CPNE5: variants seen among roughly 807,000 people sequenced by gnomAD.
The protein encoded by CPNE5 is copine 5, also known as copine-5.
CPNE5 carries 42 observed loss-of-function variants against 81.1 expected under a neutral mutation model. That is an observed-to-expected ratio of 0.52 (90% CI 0.40 to 0.67). CPNE5 has a LOEUF of 0.67. CPNE5 is among the 30% of genes least tolerant of loss of function. The pLI, the probability that CPNE5 is intolerant of heterozygous loss-of-function variation, is 0.00. For synonymous variants in CPNE5, 313 were observed against 321.5 expected, an observed-to-expected ratio of 0.97 and a Z score of 0.28; for missense variants, 612 against 815.5, an observed-to-expected ratio of 0.75 and a Z score of 3.04.
chr6:36,770,280 G>C (rs1452814672), intron 10 of CPNE5, among the ~76,000 whole-genome samples: 1 of 152,200 alleles, frequency 6.6e-6, no homozygotes, highest in Non-Finnish European at 1.5e-5. Context: ...GGGAAATGCA[G>C]CTTCTCCTTA....
At chr6:36,786,470 T>G (rs985461559) in intron 8 of CPNE5, among the ~76,000 whole-genome samples, 1 of 152,222 alleles carries the variant, frequency 6.6e-6, no homozygotes, top group Non-Finnish European at 1.5e-5. Flanking sequence ...GTTGTGCATC[T>G]GTTGATTTGG....
chr6:36,756,112 C>CAAA, intron 13 of CPNE5, 133 bp downstream of exon 13: 3 of 523,828 alleles, frequency 5.7e-6, no homozygotes, highest in Non-Finnish European at 1.0e-5. Flanking sequence ...CTCCCCACCC[C>CAAA]ATCTCTCTTG....
chr6:36,761,238 C>T (rs1388239263), intron 12 of CPNE5, among the ~76,000 whole-genome samples: 2 of 152,252 alleles, frequency 1.3e-5, no homozygotes, highest in Non-Finnish European at 2.9e-5. Context: ...GGGACAAAGA[C>T]AGCTTCTCTC....
intron 14 of CPNE5, among the ~76,000 whole-genome samples, chr6:36,750,510 A>T (rs115749471): frequency 2.6e-3 from 393 of 152,236 alleles, no homozygotes; most frequent in African/African-American, 9.0e-3. Context: ...GCTAGCAAGA[A>T]CCTGGGTCCC....
chr6:36,803,489 C>T (rs1770314288), intron 3 of CPNE5, among the ~76,000 whole-genome samples: 1 of 152,194 alleles, frequency 6.6e-6, no homozygotes, highest in African/African-American at 2.4e-5. Context: ...TAGCCCAGGA[C>T]CTAACACAGC....
In CPNE5 at chr6:36,746,652, G is replaced by T; in HGVS notation, c.1019-75C>A. On this transcript the variant is annotated intron_variant, in intron 15 of 20. Coordinates refer to ENST00000244751, the MANE Select transcript of CPNE5 (RefSeq NM_020939.2). The surrounding 1 kb of genome is among the most constrained non-coding windows in gnomAD (Gnocchi z 4.5). ...CCCCGGGTTCAGAATGAAGAAGGGG[G>T]TGTCCAAGGGCACCCCTAACTTTTA... The T allele has an allele frequency of 1.5e-6, 2 of 1,345,888 alleles. No homozygotes were observed. The highest frequency in any genetic ancestry group is 2.5e-5 in the East Asian group (1 of 39,748). 83.4% of individuals were successfully genotyped at this position (1,345,888 alleles called of 1,614,324 possible).
In CPNE5 at chr6:36,746,795, A is replaced by T. The variant is rs1272886723; in HGVS notation, c.1019-218T>A. Among the ~76,000 whole-genome samples, 1 of 151,932 alleles carries T rather than the reference A, an allele frequency of 6.6e-6. No individual in the cohort carries two copies. Among genetic ancestry groups the T allele is most frequent in the African/African-American group, 2.4e-5 (1 of 41,338 alleles). On this transcript the variant is annotated intron_variant, in intron 15 of 20. Transcript: ENST00000244751. This position sits in a 1 kb window ranked among gnomAD's most constrained non-coding sequence, Gnocchi z 4.5. The stretch of plus-strand genomic sequence containing the variant: ...ATACCACCACCCTCTTGCTTATAGG[A>T]TGCAGCAGTCTCCTAACTGATCTCC...
At chr6:36,773,137 A>G (rs573957751) in intron 10 of CPNE5, among the ~76,000 whole-genome samples, 1 of 152,198 alleles carries the variant, frequency 6.6e-6, no homozygotes, top group East Asian at 1.9e-4. Context: ...TCAGCCTCCC[A>G]AAGTGTTGGG....
rs373550404 is a variant in CPNE5 at position 36,763,254 on chromosome 6, G to T, written c.780-262C>A. Reference sequence around the variant, plus strand: ...TACTTGGATCCTTGTTTGAACAAGGGTATTTGGGGGACAACTGGGGAAATT... The same window carrying T: ...TACTTGGATCCTTGTTTGAACAAGGTTATTTGGGGGACAACTGGGGAAATT... On this transcript the variant is annotated intron_variant, in intron 11 of 20. Coordinates refer to ENST00000244751, the MANE Select transcript of CPNE5 (RefSeq NM_020939.2). 2.6e-4 allele frequency among the ~76,000 whole-genome samples: 39 copies of T among 152,346 alleles called. No individual in the cohort carries two copies. In the South Asian group the frequency reaches 7.5e-3, roughly 29 times the overall value.
intron 4 of CPNE5, among the ~76,000 whole-genome samples, chr6:36,799,555 C>T (rs1769915594): frequency 6.6e-6 from 1 of 152,206 alleles, no homozygotes; most frequent in South Asian, 2.1e-4. Flanking sequence ...GCCACCTCTG[C>T]AGGCGGGGAG....
intron 8 of CPNE5, among the ~76,000 whole-genome samples, chr6:36,789,941 C>A (rs149307569): frequency 2.6e-5 from 4 of 152,276 alleles, no homozygotes; most frequent in Non-Finnish European, 5.9e-5. Context: ...TTTTGGTCAT[C>A]TCTAGACTGC....
At chr6:36,809,236 CAG>C (rs144934153) in intron 3 of CPNE5, among the ~76,000 whole-genome samples, 11 of 150,258 alleles carry the variant, frequency 7.3e-5, no homozygotes, top group Non-Finnish European at 1.0e-4. Context: ...AAGGGAGAGA[CAG>C]AGAGAGAGAG....
At chr6:36,839,450 C>G (rs1348927735), upstream of CPNE5, 1 of 1,283,886 alleles carries the variant, frequency 7.8e-7, no homozygotes, top group Non-Finnish European at 1.1e-6. The surrounding 1 kb of genome is among the most constrained non-coding windows in gnomAD (Gnocchi z 7.3). Flanking sequence ...CGACTGGAGC[C>G]CTGGGCTCTC....
chr6:36,791,123 G>A (rs1437770889), intron 8 of CPNE5, among the ~76,000 whole-genome samples: 1 of 152,048 alleles, frequency 6.6e-6, no homozygotes, highest in Non-Finnish European at 1.5e-5. Context: ...CCCTGCATCT[G>A]TCCCAGCCTC....
chr6:36,788,127 C>T (rs1334723319), intron 8 of CPNE5, among the ~76,000 whole-genome samples: 1 of 151,400 alleles, frequency 6.6e-6, no homozygotes, highest in African/African-American at 2.4e-5. Flanking sequence ...ACCTCCCAAG[C>T]TCAAGTGACC....
intron 1 of CPNE5, among the ~76,000 whole-genome samples, chr6:36,834,136 G>A (rs1317783499): frequency 6.6e-6 from 1 of 151,066 alleles, no homozygotes. Flanking sequence ...GTGTGCGCCT[G>A]TAGTCCTGGC....
chr6:36,828,571 A>C (rs913981184), intron 1 of CPNE5, among the ~76,000 whole-genome samples: 5 of 152,196 alleles, frequency 3.3e-5, no homozygotes, highest in Admixed American at 3.3e-4. Flanking sequence ...TTCAGCATAG[A>C]AAGAAACATT....
rs765688295 is a variant in CPNE5, at chr6:36,742,537, C to A, written c.1564-51G>T. 3.2e-6 allele frequency: 5 copies of A among 1,578,268 alleles called. No homozygotes were observed. The South Asian group carries it at 3.4e-5, about 11-fold the overall frequency. On this transcript the variant is annotated intron_variant, in intron 20 of 20. Transcript: ENST00000244751. The stretch of plus-strand genomic sequence containing the variant: ...GCAGTGCCTCCTGTGGGACCCTGGC[C>A]CCCAAAATCTCCAGGCCTGGGGTTG...
At chr6:36,834,965 C>A (rs1001078167) in intron 1 of CPNE5, among the ~76,000 whole-genome samples, 1 of 152,112 alleles carries the variant, frequency 6.6e-6, no homozygotes, top group Admixed American at 6.5e-5. Flanking sequence ...AGCCGGGCTG[C>A]CTCTCTGGCT....
Sources: gnomAD v4.1 joint callset for allele counts (sites outside exome capture counted in the v4.1 genomes callset) on GRCh38, gnomAD v4.1.1 for gene constraint, Gnocchi (gnomAD v3.1) non-coding constraint, MANE v1.5 for transcripts, NCBI Gene and HGNC (gene_info 2026-07-23, HGNC 2026-07-21) for gene names.